Variants in RP1 observed in about 807,000 individuals in gnomAD.
The protein encoded by RP1 is oxygen-regulated protein 1.
A neutral mutation model predicts 14.8 loss-of-function variants in RP1; 16 were observed. That is an observed-to-expected ratio of 1.08 (90% CI 0.73 to 1.65). RP1 has a LOEUF of 1.65. RP1 is among the 40% of genes most tolerant of loss of function. RP1 has a pLI of 0.00. For missense variants in RP1, 2,631 were observed against 2,535.0 expected (o/e 1.04, Z -0.81); for synonymous variants, 876 against 883.6 (o/e 0.99, Z 0.15).
chr8:54,718,994 T>C (rs1329515024), intron 15 of RP1, among the ~76,000 whole-genome samples: 1 of 152,132 alleles, frequency 6.6e-6, no homozygotes, highest in East Asian at 1.9e-4. Flanking sequence ...TGCAAATACA[T>C]CATTTAGGAG....
Position 54,679,622 on chromosome 8 carries a change from G to T in RP1, c.1582G>T (p.Glu528Ter), listed in dbSNP as rs1433805435. 2 of 1,535,888 alleles carry T rather than the reference G, an allele frequency of 1.3e-6. No individual in the cohort carries two copies. Among genetic ancestry groups the T allele is most frequent in the Non-Finnish European group, 8.7e-7 (1 of 1,146,808 alleles). ...GCAGAAATTGGAACTTAAGAGAAAAGAAACAGTAAGATTTTGTTTGGGCTT... is the reference window on the plus strand; with the variant it reads ...GCAGAAATTGGAACTTAAGAGAAAATAAACAGTAAGATTTTGTTTGGGCTT... Residue 528 changes from glutamate (E) to a stop codon, truncating the protein, a stop_gained, in exon 11 of 23, where the codon GAA (glutamate) becomes TAA (stop). Transcript: ENST00000636932. LOFTEE classifies it high-confidence loss of function.
At chr8:54,787,465 A>G (rs1371086898) in intron 24 of RP1, among the ~76,000 whole-genome samples, 1 of 152,082 alleles carries the variant, frequency 6.6e-6, no homozygotes, top group Non-Finnish European at 1.5e-5. Context: ...GGGGGCGTTC[A>G]TTGTTGAATT....
Position 54,626,002 on chromosome 8 carries a change from G to C in RP1, c.2120G>C (p.Arg707Thr). The C allele has an allele frequency of 6.2e-7, 1 of 1,613,908 alleles. No individual in the cohort carries two copies. The highest frequency in any genetic ancestry group is 8.5e-7 in the Non-Finnish European group (1 of 1,179,930). Residue 707 changes from arginine to threonine, a missense_variant, in exon 4 of 4, where the codon AGA (arginine) becomes ACA (threonine). Physicochemically the swap from Arg to Thr is moderately conservative, Grantham distance 71. Coordinates refer to ENST00000220676, the MANE Select transcript of RP1 (RefSeq NM_006269.2). The stretch of plus-strand genomic sequence containing the variant: ...AATGAGAGAATAAACACAAAAGGTA[G>C]AATTACAAAGGAAATGATAGTGCAA... ...NKNERINTKG[R>T]ITKEMIVQDS...
chr8:54,752,734 C>A (rs983377233), intron 19 of RP1, among the ~76,000 whole-genome samples: 1 of 152,154 alleles, frequency 6.6e-6, no homozygotes, highest in Non-Finnish European at 1.5e-5. Flanking sequence ...CATGTAGACA[C>A]ACCAGTTTCT....
At chr8:54,661,408 G>T (rs1806895813) in intron 6 of RP1, among the ~76,000 whole-genome samples, 1 of 151,146 alleles carries the variant, frequency 6.6e-6, no homozygotes, top group South Asian at 2.1e-4. Context: ...GAGTCTGGGA[G>T]GTTGAGGATG....
At chr8:54,761,233 CTTTTT>C (rs71554177) in intron 22 of RP1, among the ~76,000 whole-genome samples, 30 of 109,162 alleles carry the variant, frequency 2.7e-4, no homozygotes, top group South Asian at 1.6e-3. Flanking sequence ...CGCTACCTTA[CTTTTT>C]TTTTTTTTTT....
downstream of RP1, among the ~76,000 whole-genome samples, chr8:54,773,191 C>T (rs1809950496): frequency 6.6e-6 from 1 of 152,160 alleles, no homozygotes; most frequent in Non-Finnish European, 1.5e-5. Flanking sequence ...GTGCTCACCA[C>T]TCACTTTCAC....
intron 24 of RP1, among the ~76,000 whole-genome samples, chr8:54,813,337 T>A (rs1048192767): frequency 6.6e-6 from 1 of 152,192 alleles, no homozygotes. Flanking sequence ...GTTCATTGAA[T>A]AGCCTGCCTA....
At chr8:54,594,604 T>A (rs2129302143) in intron 1 of RP1, among the ~76,000 whole-genome samples, 1 of 152,340 alleles carries the variant, frequency 6.6e-6, no homozygotes, top group South Asian at 2.1e-4. Context: ...TGGCATGCTG[T>A]TTCAGACAAA....
rs1554528860 is a variant in RP1, at chr8:54,741,707, G to GTGTATATA, written c.2808+2679_2808+2680insGTATATAT. On this transcript the variant is annotated intron_variant, in intron 19 of 22. Coordinates refer to the RP1 transcript ENST00000636932. ...TGTACATATAAATACAAATGTGTGT[G>GTGTATATA]TATATATATATATATATATATATAT... Among the ~76,000 whole-genome samples the GTGTATATA allele has an allele frequency of 1.3e-3, 77 of 58,002 alleles. 1 individual carries two copies. The highest frequency in any genetic ancestry group is 2.3e-3 in the South Asian group (3 of 1,294). The allele number at this position is 58,002 out of a possible 152,430, so 38.1% of individuals were successfully genotyped here. A position where few individuals can be genotyped will look rare whatever the true frequency, so the allele number is the denominator to read the frequency against.
intron 8 of RP1, chr8:54,678,320 T>G: frequency 1.8e-6 from 1 of 562,222 alleles, no homozygotes; most frequent in Non-Finnish European, 3.0e-6. Context: ...TGTTATATTT[T>G]GCTTTATTTG....
intron 24 of RP1, among the ~76,000 whole-genome samples, chr8:54,784,081 A>T (rs1379376139): frequency 6.6e-6 from 1 of 152,156 alleles, no homozygotes; most frequent in African/African-American, 2.4e-5. Flanking sequence ...ACACTAACAC[A>T]TATGATGGAG....
chr8:54,832,144 C>T (rs1655281633), intron 24 of RP1, among the ~76,000 whole-genome samples: 1 of 151,634 alleles, frequency 6.6e-6, no homozygotes, highest in South Asian at 2.1e-4. Context: ...ATATATTTTG[C>T]TTGAGATTCA....
intron 25 of RP1, among the ~76,000 whole-genome samples, chr8:54,841,188 T>A (rs1008729726): frequency 1.3e-5 from 2 of 152,178 alleles, no homozygotes; most frequent in African/African-American, 4.8e-5. Flanking sequence ...AATGAACTGA[T>A]ACTTCCTTGA....
chr8:54,656,073 GTTA>G, intron 5 of RP1: 1 of 1,500,792 alleles, frequency 6.7e-7, no homozygotes, highest in South Asian at 1.3e-5. Context: ...TAATATTATT[GTTA>G]TTATAGATAC....
At chr8:54,675,673 A>T (rs562855739) in intron 8 of RP1, among the ~76,000 whole-genome samples, 1 of 152,314 alleles carries the variant, frequency 6.6e-6, no homozygotes, top group Admixed American at 6.5e-5. Flanking sequence ...TTAGTCATTT[A>T]AGGTATTTCA....
intron 24 of RP1, among the ~76,000 whole-genome samples, chr8:54,830,438 C>G (rs765359015): frequency 1.3e-5 from 2 of 152,048 alleles, no homozygotes; most frequent in Admixed American, 6.6e-5. Flanking sequence ...TCCCTCCCCC[C>G]ACTGACCTTC....
chr8:54,576,009 T>G (rs1451359730), intron 1 of RP1, among the ~76,000 whole-genome samples: 3 of 151,452 alleles, frequency 2.0e-5, no homozygotes, highest in African/African-American at 4.8e-5. Context: ...TTATATATCC[T>G]AGGGAGAAAA....
chr8:54,866,382 G>A lies in RP1; in HGVS notation c.4151+466G>A, dbSNP rs886443898. Among the ~76,000 whole-genome samples the A allele has an allele frequency of 3.3e-5, 5 of 152,232 alleles. No individual in the cohort carries two copies. The East Asian group carries it at 7.7e-4, about 24-fold the overall frequency. ...CTCTAATGCATTGTACTAAAGTGGC[G>A]TAGATGTAATATAACAGGAGACTTA... is the stretch of plus-strand genomic sequence containing the variant. On this transcript the variant is annotated intron_variant, in intron 28 of 28. Transcript: ENST00000637698.
Sources: gnomAD v4.1 joint callset for allele counts (sites outside exome capture counted in the v4.1 genomes callset) on GRCh38, gnomAD v4.1.1 for gene constraint, MANE v1.5 for transcripts, NCBI Gene and HGNC (gene_info 2026-07-23, HGNC 2026-07-21) for gene names.